NPC1: variants seen among roughly 807,000 people sequenced by gnomAD.
NPC1 encodes the protein Niemann-Pick C1 protein.
In NPC1, 85 loss-of-function variants were observed where a neutral mutation model predicts 140.4. That is an observed-to-expected ratio of 0.61 (90% CI 0.51 to 0.72). The LOEUF is 0.72. Ranked by LOEUF, NPC1 falls within the 30% of genes least tolerant of loss-of-function variation. NPC1 has a pLI of 0.00. For missense variants in NPC1, 1,504 were observed against 1,623.8 expected (o/e 0.93, Z 1.27); for synonymous variants, 656 against 624.8 (o/e 1.05, Z -0.74).
At chr18:23,576,177 T>C (rs1384979269) in intron 1 of NPC1, among the ~76,000 whole-genome samples, 4 of 151,794 alleles carry the variant, frequency 2.6e-5, no homozygotes, top group Non-Finnish European at 5.9e-5. Context: ...TGAGCCAAGA[T>C]TGTGCCATTA....
chr18:23,568,976 G>C lies in NPC1; in HGVS notation c.310C>G (p.Leu104Val). 6.2e-7 allele frequency: 1 copy of C among 1,613,696 alleles called. No homozygotes were observed. The highest frequency in any genetic ancestry group is 1.1e-5 in the South Asian group (1 of 91,062). The change falls in exon 4 of 25, where the codon CTA becomes GTA. Residue 104 changes from leucine (L) to valine (V), a missense_variant. Transcript: ENST00000269228. ...LSRCPSCFYN[L>V]LNLFCELTCS... Reference sequence around the variant, plus strand: ...GTCAGCTCACAAAACAGGTTCAGTAGGTTATAAAAACAGGATGGACATCTA... The same window carrying C: ...GTCAGCTCACAAAACAGGTTCAGTACGTTATAAAAACAGGATGGACATCTA...
rs71534236 is a variant in NPC1 at position 23,544,950 on chromosome 18, C to A, written c.1947+10G>T. 136 of 1,415,988 alleles carry A rather than the reference C, an allele frequency of 9.6e-5. 3 individuals are homozygous for A. The highest frequency in any genetic ancestry group is 7.0e-4 in the Middle Eastern group (4 of 5,748). The allele number at this position is 1,415,988 out of a possible 1,614,324, so 87.7% of individuals were successfully genotyped here. On this transcript the variant is annotated intron_variant, in intron 12 of 24. Coordinates refer to ENST00000269228, the MANE Select transcript of NPC1 (RefSeq NM_000271.5). ...ACCTCTAGAACATACACCACCCCCCCCCGGCTTACCAGAAGCCTGCGACAG... is the reference window on the plus strand; with the variant it reads ...ACCTCTAGAACATACACCACCCCCCACCGGCTTACCAGAAGCCTGCGACAG...
intron 14 of NPC1, among the ~76,000 whole-genome samples, chr18:23,541,904 G>A (rs1400966323): frequency 6.6e-6 from 1 of 152,180 alleles, no homozygotes; most frequent in Non-Finnish European, 1.5e-5. Flanking sequence ...CAAACTGGCA[G>A]CCCATGAATC....
At chr18:23,546,407 G>A (rs2058790964) in intron 11 of NPC1, among the ~76,000 whole-genome samples, 1 of 152,170 alleles carries the variant, frequency 6.6e-6, no homozygotes, top group Non-Finnish European at 1.5e-5. Flanking sequence ...AAGTTTCATG[G>A]ACTGCTGGTG....
intron 8 of NPC1, 135 bp downstream of exon 8, chr18:23,556,108 G>T: frequency 1.3e-6 from 1 of 773,642 alleles, no homozygotes. Context: ...AGGCAGCTTT[G>T]CCATTATACG....
chr18:23,540,992 C>T, intron 16 of NPC1, 76 bp downstream of exon 16: 3 of 1,505,616 alleles, frequency 2.0e-6, no homozygotes, highest in Non-Finnish European at 1.8e-6. Flanking sequence ...CCTTCCCAGG[C>T]TGTCTGGCTT....
chr18:23,571,670 A>G (rs895183628), intron 3 of NPC1, among the ~76,000 whole-genome samples: 10 of 149,164 alleles, frequency 6.7e-5, no homozygotes, highest in African/African-American at 2.5e-4. Context: ...AAAAAAAAAT[A>G]AAGAAAAACA....
intron 1 of NPC1, chr18:23,576,970 C>T (rs1176016767): frequency 6.6e-6 from 1 of 152,278 alleles, no homozygotes; most frequent in African/African-American, 2.4e-5. Context: ...GGGCAGCCTG[C>T]TTTTATTCTT....
Position 23,531,756 on chromosome 18 carries a change from A to AT in NPC1, c.*445dup. On this transcript the variant is annotated 3_prime_UTR_variant, in exon 25 of 25. Transcript: ENST00000269228. Reference sequence around the variant, plus strand: ...AATGTGTACAAAGTTAATTTATTGCATTAATAAAGCTCTTTAAACTATAAA... The same window carrying AT: ...AATGTGTACAAAGTTAATTTATTGCATTTAATAAAGCTCTTTAAACTATAAA... 1 of 1,585,964 alleles carries AT rather than the reference A, an allele frequency of 6.3e-7. No homozygotes were observed. Among genetic ancestry groups the AT allele is most frequent in the African/African-American group, 1.4e-5 (1 of 73,300 alleles).
At chr18:23,581,556 A>G (rs2145585896) in intron 1 of NPC1, among the ~76,000 whole-genome samples, 1 of 152,290 alleles carries the variant, frequency 6.6e-6, no homozygotes, top group East Asian at 1.9e-4. Context: ...GGGCTCTGTG[A>G]GGATAAAACA....
chr18:23,536,760 T>C lies in NPC1; in HGVS notation c.3158A>G (p.Asp1053Gly). 2 of 1,614,126 alleles carry C rather than the reference T, an allele frequency of 1.2e-6. No homozygotes were observed. Among genetic ancestry groups the C allele is most frequent in the Non-Finnish European group, 1.7e-6 (2 of 1,180,016 alleles). ...TVLQTSADFIDALKKARLIAS... is the reference protein window; with the variant it reads ...TVLQTSADFIGALKKARLIAS... ...TATAAGTCGGGCTTTCTTCAGAGCG[T>C]CAATAAAGTCAGCAGAGGTCTGCAG... Residue 1053 changes from aspartate to glycine, a missense_variant, in exon 21 of 25, where the codon GAC becomes GGC. Physicochemically the swap from Asp to Gly is moderately conservative, Grantham distance 94 (BLOSUM62 -1). Coordinates refer to ENST00000269228, the MANE Select transcript of NPC1 (RefSeq NM_000271.5).
chr18:23,574,340 G>C (rs2059244573), intron 1 of NPC1, among the ~76,000 whole-genome samples: 1 of 152,066 alleles, frequency 6.6e-6, no homozygotes, highest in African/African-American at 2.4e-5. Context: ...AAGCCACAGA[G>C]GGCCCAGCTT....
Position 23,544,943 on chromosome 18 carries a change from A to ACCCCGC in NPC1, c.1947+16_1947+17insGCGGGG. On this transcript the variant is annotated intron_variant, in intron 12 of 24. Coordinates refer to ENST00000269228, the MANE Select transcript of NPC1 (RefSeq NM_000271.5). ...GCTGTTAACCTCTAGAACATACACCACCCCCCCCCGGCTTACCAGAAGCCT... is the reference window on the plus strand; with the variant it reads ...GCTGTTAACCTCTAGAACATACACCACCCCGCCCCCCCCCCGGCTTACCAGAAGCCT... 9.7e-7 allele frequency: 1 copy of ACCCCGC among 1,032,988 alleles called. No homozygotes were observed. 64.0% of individuals were successfully genotyped at this position (1,032,988 alleles called of 1,614,324 possible).
chr18:23,553,206 T>TC (rs1272739336), intron 9 of NPC1, among the ~76,000 whole-genome samples: 4 of 152,222 alleles, frequency 2.6e-5, no homozygotes, highest in African/African-American at 9.6e-5. Flanking sequence ...CGCACCTCTG[T>TC]CCCCCATCAT....
At chr18:23,515,445 G>A (rs2057975027) in intron 3 of NPC1, among the ~76,000 whole-genome samples, 1 of 152,224 alleles carries the variant, frequency 6.6e-6, no homozygotes. Context: ...AAGTACAAGT[G>A]AGAATGTTCA....
intron 3 of NPC1, among the ~76,000 whole-genome samples, chr18:23,511,346 A>G (rs2057852499): frequency 6.6e-6 from 1 of 152,150 alleles, no homozygotes. Flanking sequence ...GGGAGGAGGG[A>G]GAGGAGCAGA....
Position 23,531,877 on chromosome 18 carries a change from A to AT in NPC1, c.*324dup. ...TCCTAAAAGGAGAGACAGACAGTGC[A>AT]TTGATTGGCCTTTACAGAGTGTCAG... On this transcript the variant is annotated 3_prime_UTR_variant, in exon 25 of 25. Transcript: ENST00000269228. 2.1e-6 allele frequency: 3 copies of AT among 1,446,002 alleles called. No homozygotes were observed. Among genetic ancestry groups the AT allele is most frequent in the Non-Finnish European group, 2.7e-6 (3 of 1,107,348 alleles). 89.6% of individuals were successfully genotyped at this position (1,446,002 alleles called of 1,614,324 possible).
intron 3 of NPC1, among the ~76,000 whole-genome samples, chr18:23,517,292 G>A (rs1340014236): frequency 2.0e-5 from 3 of 151,764 alleles, no homozygotes; most frequent in African/African-American, 7.3e-5. Context: ...TGGGACTACA[G>A]GTGCGTGCCA....
In NPC1 at chr18:23,535,719, G is replaced by C; in HGVS notation, c.3246-19C>G. ...AAACACACTGGAGGGGAGAGGGGAGGCCTCATTAAAGCTCGCTCTCACTCC... is the reference window on the plus strand; with the variant it reads ...AAACACACTGGAGGGGAGAGGGGAGCCCTCATTAAAGCTCGCTCTCACTCC... On this transcript the variant is annotated intron_variant, in intron 21 of 24. Transcript: ENST00000269228. 1 of 1,545,186 alleles carries C rather than the reference G, an allele frequency of 6.5e-7. No homozygotes were observed. The highest frequency in any genetic ancestry group is 8.9e-7 in the Non-Finnish European group (1 of 1,117,450).
Sources: allele counts gnomAD v4.1 joint callset (sites outside exome capture counted in the v4.1 genomes callset), GRCh38; gene constraint gnomAD v4.1.1; transcripts MANE v1.5; gene names NCBI Gene and HGNC (gene_info 2026-07-23, HGNC 2026-07-21).